The following LHX2 variants were observed in gnomAD, a reference collection of about 807,000 sequenced individuals.
LHX2 encodes LIM/homeobox protein Lhx2.
In LHX2, 6 loss-of-function variants were observed where a neutral mutation model predicts 33.0. That is an observed-to-expected ratio of 0.18 (90% CI 0.10 to 0.36). The LOEUF (loss-of-function observed/expected upper bound fraction) is 0.36. Among genes scored for constraint, LHX2 ranks in the 10% least tolerant of loss-of-function variants. The probability of loss-of-function intolerance (pLI) is 1.00; values close to 1 mark genes in which losing one functional copy is unlikely to be tolerated. For synonymous variants in LHX2, 292 were observed against 253.1 expected, an observed-to-expected ratio of 1.15 and a Z score of -1.46; for missense variants, 442 against 586.2, an observed-to-expected ratio of 0.75 and a Z score of 2.54.
In LHX2 at chr9:124,012,385, G is replaced by C; in HGVS notation, c.37G>C (p.Gly13Arg). Residue 13 changes from glycine to arginine, a missense_variant, in exon 1 of 5, where the codon GGG (glycine) becomes CGG (arginine). Coordinates refer to ENST00000373615, the MANE Select transcript of LHX2 (RefSeq NM_004789.4). This position sits in a 1 kb window ranked among gnomAD's most constrained non-coding sequence, Gnocchi z 4.3. ...FHSLSGPEVH[G>R]VIDEMDRRAK... ...CAGTCTGTCGGGCCCCGAGGTGCAC[G>C]GGGTCATCGACGAGATGGACCGCAG... 1 of 1,531,076 alleles carries C rather than the reference G, an allele frequency of 6.5e-7. No individual in the cohort carries two copies. Among genetic ancestry groups the C allele is most frequent in the Non-Finnish European group, 8.7e-7 (1 of 1,143,626 alleles). The allele number at this position is 1,531,076 out of a possible 1,614,324, so 94.8% of individuals were successfully genotyped here.
chr9:124,014,044 G>C lies in LHX2; in HGVS notation c.204G>C (p.Ala68=), dbSNP rs758332393. The change falls in exon 2 of 5, where the codon GCG becomes GCC. Residue 68 remains alanine, a synonymous_variant. Transcript: ENST00000373615. This position sits in a 1 kb window ranked among gnomAD's most constrained non-coding sequence, Gnocchi z 4.8. ...GKISDRYYLL[A]VDKQWHMRCL... ...TCTCGGACCGCTACTACCTGCTGGC[G>C]GTGGACAAGCAGTGGCACATGCGCT... 4 of 1,613,666 alleles carry C rather than the reference G, an allele frequency of 2.5e-6. No homozygotes were observed. In the South Asian group the frequency reaches 4.4e-5, roughly 18 times the overall value.
In LHX2 at chr9:124,032,478, C is replaced by T; in HGVS notation, c.992C>T (p.Thr331Met). Residue 331 changes from threonine to methionine, a missense_variant, in exon 5 of 5, where the codon ACG becomes ATG. Thr to Met is a moderately conservative substitution (Grantham distance 81). This residue lies in a region of LHX2 where 32 missense variants were observed against 95.3 expected (regional missense o/e 0.34). Transcript: ENST00000373615. This position sits in a 1 kb window ranked among gnomAD's most constrained non-coding sequence, Gnocchi z 4.1. ...CGCAACCTCTTACGGCAGGAAAACA[C>T]GGGCGTGGACAAGTCGACAGACGCG... ...FRRNLLRQEN[T>M]GVDKSTDAAL... The T allele has an allele frequency of 1.2e-6, 2 of 1,609,568 alleles. No homozygotes were observed. Among genetic ancestry groups the T allele is most frequent in the South Asian group, 1.1e-5 (1 of 91,026 alleles).
Position 124,032,002 on chromosome 9 carries a change from G to A in LHX2, c.934-418G>A, listed in dbSNP as rs1480964227. On this transcript the variant is annotated intron_variant, in intron 4 of 4. Coordinates refer to ENST00000373615, the MANE Select transcript of LHX2 (RefSeq NM_004789.4). This position sits in a 1 kb window ranked among gnomAD's most constrained non-coding sequence, Gnocchi z 4.1. Reference sequence around the variant, plus strand: ...TAATCCCAACGCTTTAGGAGGCTGAGGCAGGAGGGATCACTTGAAGCCTGG... The same window carrying A: ...TAATCCCAACGCTTTAGGAGGCTGAAGCAGGAGGGATCACTTGAAGCCTGG... 6.2e-6 allele frequency: 1 copy of A among 160,704 alleles called. No individual in the cohort carries two copies. The highest frequency in any genetic ancestry group is 1.4e-5 in the Non-Finnish European group (1 of 74,070). The allele number at this position is 160,704 out of a possible 1,614,324, so 10.0% of individuals were successfully genotyped here. A position where few individuals can be genotyped will look rare whatever the true frequency, so the allele number is the denominator to read the frequency against.
chr9:124,017,060 G>T (rs576708916), intron 3 of LHX2, among the ~76,000 whole-genome samples: 18 of 152,312 alleles, frequency 1.2e-4, no homozygotes, highest in African/African-American at 4.1e-4. Flanking sequence ...AAGGTACAGA[G>T]ATTTATTTCT....
Position 124,013,986 on chromosome 9 carries a change from G to T in LHX2, c.146G>T (p.Arg49Leu). Residue 49 changes from arginine (R) to leucine (L), a missense_variant, in exon 2 of 5, where the codon CGC (arginine) becomes CTC (leucine). Coordinates refer to ENST00000373615, the MANE Select transcript of LHX2 (RefSeq NM_004789.4). Reference protein sequence around the residue: ...ETTMPSISSDRAALCAGCGGK... With the variant: ...ETTMPSISSDLAALCAGCGGK... The stretch of plus-strand genomic sequence containing the variant: ...ACCATGCCGTCCATCAGCAGTGACC[G>T]CGCCGCGCTGTGCGCCGGCTGCGGG... 6.2e-7 allele frequency: 1 copy of T among 1,613,128 alleles called. No individual in the cohort carries two copies. The highest frequency in any genetic ancestry group is 8.5e-7 in the Non-Finnish European group (1 of 1,179,968).
At chr9:124,022,693 TGTGA>T (rs1859313117) in intron 4 of LHX2, among the ~76,000 whole-genome samples, 1 of 152,218 alleles carries the variant, frequency 6.6e-6, no homozygotes, top group African/African-American at 2.4e-5. Flanking sequence ...AGAAAGTTCT[TGTGA>T]GTTTGTCAGA....
chr9:124,012,317 G>A lies in LHX2; in HGVS notation c.-32G>A. 6.8e-7 allele frequency: 1 copy of A among 1,480,672 alleles called. No individual in the cohort carries two copies. Among genetic ancestry groups the A allele is most frequent in the Middle Eastern group, 2.4e-4 (1 of 4,224 alleles). The allele number at this position is 1,480,672 out of a possible 1,614,324, so 91.7% of individuals were successfully genotyped here. ...GGGGGGCAAGCCCTCCCTCGGAGGA[G>A]CCGCGCCCCCGGCCCCGCCGGTCCC... is the stretch of plus-strand genomic sequence containing the variant. On this transcript the variant is annotated 5_prime_UTR_variant, in exon 1 of 5. Coordinates refer to ENST00000373615, the MANE Select transcript of LHX2 (RefSeq NM_004789.4). This position sits in a 1 kb window ranked among gnomAD's most constrained non-coding sequence, Gnocchi z 4.3.
chr9:124,024,759 A>G (rs541754571), intron 4 of LHX2, among the ~76,000 whole-genome samples: 1 of 152,330 alleles, frequency 6.6e-6, no homozygotes, highest in East Asian at 1.9e-4. Flanking sequence ...AAATGTGATT[A>G]TCTTCATTTT....
intron 3 of LHX2, among the ~76,000 whole-genome samples, chr9:124,018,634 C>A (rs935110799): frequency 1.3e-5 from 2 of 152,172 alleles, no homozygotes; most frequent in African/African-American, 4.8e-5. Context: ...CGGACCCTCG[C>A]CACAAGCTGC....
At chr9:124,018,550 C>T (rs1007253168) in intron 3 of LHX2, among the ~76,000 whole-genome samples, 5 of 152,200 alleles carry the variant, frequency 3.3e-5, no homozygotes, top group Non-Finnish European at 7.3e-5. Context: ...TACTCCCCCG[C>T]CAATAACGGC....
chr9:124,030,518 C>T (rs986740470), intron 4 of LHX2, among the ~76,000 whole-genome samples: 2 of 152,170 alleles, frequency 1.3e-5, no homozygotes, highest in Admixed American at 6.5e-5. Flanking sequence ...CTAAGCCCCT[C>T]CCAAAGTACT....
Position 124,012,292 on chromosome 9 carries a change from G to T in LHX2, c.-57G>T, listed in dbSNP as rs960676643. On this transcript the variant is annotated 5_prime_UTR_variant, in exon 1 of 5. Transcript: ENST00000373615. The surrounding 1 kb of genome is among the most constrained non-coding windows in gnomAD (Gnocchi z 4.3). ...GCCAGGAGCGCCAGGCAGCTGAGGC[G>T]GGGGGCAAGCCCTCCCTCGGAGGAG... 5.3e-5 allele frequency: 76 copies of T among 1,436,868 alleles called. No individual in the cohort carries two copies. In the East Asian group the frequency reaches 2.2e-3, roughly 41 times the overall value. The allele number at this position is 1,436,868 out of a possible 1,614,324, so 89.0% of individuals were successfully genotyped here.
chr9:124,020,992 C>A, intron 3 of LHX2, 107 bp from the exon 4 acceptor site: 2 of 953,712 alleles, frequency 2.1e-6, no homozygotes, highest in Non-Finnish European at 3.2e-6. Flanking sequence ...CGCAGACATG[C>A]AGCAGGGTTA....
At chr9:124,020,843 C>A (rs1360489151) in intron 3 of LHX2, among the ~76,000 whole-genome samples, 1 of 152,116 alleles carries the variant, frequency 6.6e-6, no homozygotes, top group Non-Finnish European at 1.5e-5. Context: ...AACATAATGG[C>A]TCAGAATGAT....
At position 124,014,519 on chromosome 9, in the gene LHX2, A is replaced by G. The variant is rs1350273518; in HGVS notation, c.323+356A>G. Reference sequence around the variant, plus strand: ...TATAGAAACAGGCACCCCCAAACCTAGGCAGCCCAAGCTGGAGTGAAACAC... The same window carrying G: ...TATAGAAACAGGCACCCCCAAACCTGGGCAGCCCAAGCTGGAGTGAAACAC... On this transcript the variant is annotated intron_variant, in intron 2 of 4. Coordinates refer to ENST00000373615, the MANE Select transcript of LHX2 (RefSeq NM_004789.4). This position sits in a 1 kb window ranked among gnomAD's most constrained non-coding sequence, Gnocchi z 4.8. Among the ~76,000 whole-genome samples, 1 of 152,094 alleles carries G rather than the reference A, an allele frequency of 6.6e-6. No individual in the cohort carries two copies. The highest frequency in any genetic ancestry group is 1.5e-5 in the Non-Finnish European group (1 of 68,014).
In LHX2 at chr9:124,016,398, C is replaced by G. The variant is rs546064199; in HGVS notation, c.727+873C>G. ...GCCGTCAACATCTGCCCGAAGTCTG[C>G]AAGGCCCGGAAAGGTTTATGACTCT... On this transcript the variant is annotated intron_variant, in intron 3 of 4. Transcript: ENST00000373615. The surrounding 1 kb of genome is among the most constrained non-coding windows in gnomAD (Gnocchi z 4.4). Among the ~76,000 whole-genome samples, 21 of 152,346 alleles carry G rather than the reference C, an allele frequency of 1.4e-4. No individual in the cohort carries two copies. Among genetic ancestry groups the G allele is most frequent in the Non-Finnish European group, 2.8e-4 (19 of 68,036 alleles).
rs1188874803 is a variant in LHX2 at position 124,021,341 on chromosome 9, C to A, written c.933+37C>A. Reference sequence around the variant, plus strand: ...CCAGGGGTGAGGGCATCTGCGACCACCAGGGACTGGGGTGGAACCCTGCAC... The same window carrying A: ...CCAGGGGTGAGGGCATCTGCGACCAACAGGGACTGGGGTGGAACCCTGCAC... On this transcript the variant is annotated intron_variant, in intron 4 of 4. Coordinates refer to ENST00000373615, the MANE Select transcript of LHX2 (RefSeq NM_004789.4). 5 of 1,596,798 alleles carry A rather than the reference C, an allele frequency of 3.1e-6. No homozygotes were observed. In the African/African-American group the frequency reaches 5.4e-5, roughly 17 times the overall value.
intron 4 of LHX2, among the ~76,000 whole-genome samples, chr9:124,023,174 G>T (rs1859324160): frequency 6.6e-6 from 1 of 152,178 alleles, no homozygotes; most frequent in Non-Finnish European, 1.5e-5. Flanking sequence ...TGCTTAGTAG[G>T]ACCCTTCGTC....
chr9:124,032,221 G>A lies in LHX2; in HGVS notation c.934-199G>A. On this transcript the variant is annotated intron_variant, in intron 4 of 4. Coordinates refer to ENST00000373615, the MANE Select transcript of LHX2 (RefSeq NM_004789.4). The surrounding 1 kb of genome is among the most constrained non-coding windows in gnomAD (Gnocchi z 4.1). ...TGTGTCACTGCACTTCAGCCTGGGG[G>A]ACCAAGCCAGACCCTGTCTGCAAAC... The A allele has an allele frequency of 1.8e-6, 1 of 565,494 alleles. No homozygotes were observed. Among genetic ancestry groups the A allele is most frequent in the Non-Finnish European group, 3.0e-6 (1 of 333,456 alleles). The allele number at this position is 565,494 out of a possible 1,614,324, so 35.0% of individuals were successfully genotyped here.
Sources: gnomAD v4.1 joint callset for allele counts (sites outside exome capture counted in the v4.1 genomes callset) on GRCh38, gnomAD v4.1.1 for gene constraint, gnomAD v4.1.1 regional missense constraint, Gnocchi (gnomAD v3.1) non-coding constraint, MANE v1.5 for transcripts, NCBI Gene and HGNC (gene_info 2026-07-23, HGNC 2026-07-21) for gene names.